The following SGCG variants were observed in gnomAD, a reference collection of about 807,000 sequenced individuals.
SGCG encodes the protein sarcoglycan gamma.
Under a neutral mutation model 29.3 loss-of-function variants are expected in SGCG, and 26 were observed. The ratio of observed to expected loss-of-function variants is 0.89; its 90% CI spans 0.65 to 1.23. The LOEUF (loss-of-function observed/expected upper bound fraction) is 1.23. Among genes scored for constraint, SGCG ranks in the 50% most tolerant of loss-of-function variants. The pLI is 0.00. For synonymous variants in SGCG, 145 were observed against 129.7 expected (o/e 1.12, Z -0.80); for missense variants, 353 against 356.0 (o/e 0.99, Z 0.07).
At chr13:23,309,059 G>T (rs1456426156) in intron 6 of SGCG, among the ~76,000 whole-genome samples, 1 of 151,876 alleles carries the variant, frequency 6.6e-6, no homozygotes, top group African/African-American at 2.4e-5. Flanking sequence ...TTTAGGTTTG[G>T]CCCATAATTA....
chr13:23,292,351 C>A (rs865937592), intron 5 of SGCG, among the ~76,000 whole-genome samples: 2 of 152,200 alleles, frequency 1.3e-5, no homozygotes, highest in African/African-American at 4.8e-5. Context: ...CTCAAGTGAT[C>A]TGCCTGCCTT....
upstream of SGCG, among the ~76,000 whole-genome samples, chr13:23,178,749 AT>A (rs1228012642): frequency 2.6e-5 from 4 of 152,098 alleles, no homozygotes; most frequent in Non-Finnish European, 5.9e-5. Flanking sequence ...AATAGAAATG[AT>A]TTCTCCAAAA....
the SGCG span, among the ~76,000 whole-genome samples, chr13:23,167,652 A>G: frequency 3.3e-5 from 5 of 151,974 alleles, no homozygotes; most frequent in South Asian, 2.1e-4. Flanking sequence ...CTGATGATCA[A>G]TGATGTTAAG....
At chr13:23,290,486 A>T (rs986541091) in intron 5 of SGCG, among the ~76,000 whole-genome samples, 7 of 152,158 alleles carry the variant, frequency 4.6e-5, no homozygotes, top group Non-Finnish European at 8.8e-5. Context: ...CCCAGGAGAG[A>T]TGACAGAAAT....
intron 6 of SGCG, among the ~76,000 whole-genome samples, chr13:23,316,228 G>A (rs925199636): frequency 6.6e-6 from 1 of 152,178 alleles, no homozygotes; most frequent in Non-Finnish European, 1.5e-5. Context: ...TCATGGGAAG[G>A]GCAGAGGTTT....
chr13:23,254,243 C>T (rs1254886716), intron 4 of SGCG, among the ~76,000 whole-genome samples: 1 of 152,084 alleles, frequency 6.6e-6, no homozygotes, highest in Admixed American at 6.6e-5. Flanking sequence ...GACCAAAATG[C>T]TGTTAGAAAT....
intron 4 of SGCG, among the ~76,000 whole-genome samples, chr13:23,263,809 G>A (rs2137590713): frequency 6.6e-6 from 1 of 151,986 alleles, no homozygotes; most frequent in African/African-American, 2.4e-5. Flanking sequence ...CACCTAAACA[G>A]AATTAAAAAC....
intron 2 of SGCG, among the ~76,000 whole-genome samples, chr13:23,208,547 C>T (rs1354097784): frequency 1.3e-5 from 2 of 152,138 alleles, no homozygotes; most frequent in Admixed American, 1.3e-4. Flanking sequence ...TAAGGCTGAG[C>T]CTGGTTTTAT....
rs185385758 is a variant in SGCG, at chr13:23,275,154, C to T, written c.386-4205C>T. Among the ~76,000 whole-genome samples the T allele has an allele frequency of 1.2e-3, 127 of 103,058 alleles. 3 individuals carry two copies. In the East Asian group the frequency reaches 0.027, roughly 22 times the overall value. 67.6% of individuals were successfully genotyped at this position (103,058 alleles called of 152,430 possible). On this transcript the variant is annotated intron_variant, in intron 4 of 7. Transcript: ENST00000218867. ...ATATATATATATATAGAAATGAGGA[C>T]GTTGTTTAACCTTTACAATGATTGA... is the stretch of plus-strand genomic sequence containing the variant.
At chr13:23,251,025 C>A (rs1879944282) in intron 4 of SGCG, among the ~76,000 whole-genome samples, 1 of 152,114 alleles carries the variant, frequency 6.6e-6, no homozygotes, top group Admixed American at 6.6e-5. Flanking sequence ...GGGAAGGAAC[C>A]CAAGTAGCTG....
intron 5 of SGCG, among the ~76,000 whole-genome samples, chr13:23,283,525 G>A (rs185701565): frequency 1.3e-5 from 2 of 152,254 alleles, no homozygotes; most frequent in Non-Finnish European, 2.9e-5. Context: ...TACATGAGAT[G>A]TGTCTCCTGA....
chr13:23,268,877 C>T (rs1426092201), intron 4 of SGCG: 2 of 143,654 alleles, frequency 1.4e-5, no homozygotes, highest in Non-Finnish European at 1.5e-5. Context: ...AAGTTACTGT[C>T]AGTTGAGGAT....
intron 2 of SGCG, among the ~76,000 whole-genome samples, chr13:23,213,607 T>C (rs1297953548): frequency 2.0e-5 from 3 of 152,232 alleles, no homozygotes; most frequent in Non-Finnish European, 2.9e-5. Context: ...TAAAATGCTT[T>C]CTGGGAGCGT....
In SGCG at chr13:23,250,693, G is replaced by C; in HGVS notation, c.361G>C (p.Glu121Gln). 6.2e-7 allele frequency: 1 copy of C among 1,611,844 alleles called. No homozygotes were observed. Among genetic ancestry groups the C allele is most frequent in the South Asian group, 1.1e-5 (1 of 90,962 alleles). The change falls in exon 4 of 8, where the codon GAG becomes CAG. Residue 121 changes from glutamate (E) to glutamine (Q), a missense_variant. Transcript: ENST00000218867. ...VTVNARNSEG[E>Q]VTGRLKVGPK... Reference sequence around the variant, plus strand: ...TGTAAATGCGCGCAACTCAGAAGGGGAGGTCACAGGCAGGTTAAAAGTCGG... The same window carrying C: ...TGTAAATGCGCGCAACTCAGAAGGGCAGGTCACAGGCAGGTTAAAAGTCGG...
chr13:23,248,781 A>C (rs1879836209), intron 3 of SGCG, among the ~76,000 whole-genome samples: 1 of 151,948 alleles, frequency 6.6e-6, no homozygotes, highest in East Asian at 1.9e-4. Flanking sequence ...TCACGAGGTC[A>C]GGAAATCGAG....
the SGCG span, among the ~76,000 whole-genome samples, chr13:23,173,887 TACTC>T: frequency 1.3e-5 from 2 of 152,210 alleles, no homozygotes; most frequent in African/African-American, 4.8e-5. Context: ...TAATATATCT[TACTC>T]AGTGTAAACT....
chr13:23,171,473 C>T, the SGCG span, among the ~76,000 whole-genome samples: 16 of 152,230 alleles, frequency 1.1e-4, 1 homozygote, highest in East Asian at 5.8e-4. Flanking sequence ...TTGAAATTAA[C>T]GCCATGTAAT....
intron 5 of SGCG, among the ~76,000 whole-genome samples, chr13:23,287,712 G>GT (rs1356668818): frequency 6.6e-6 from 1 of 151,824 alleles, no homozygotes; most frequent in Non-Finnish European, 1.5e-5. Context: ...TAATTTCACA[G>GT]TTTTTTGTTA....
chr13:23,166,875 G>A, the SGCG span, among the ~76,000 whole-genome samples: 5 of 152,120 alleles, frequency 3.3e-5, no homozygotes, highest in Non-Finnish European at 5.9e-5. Context: ...AGAGAATGGG[G>A]TATCCATCCC....
Sources: allele counts gnomAD v4.1 joint callset (sites outside exome capture counted in the v4.1 genomes callset), GRCh38; gene constraint gnomAD v4.1.1; transcripts MANE v1.5; gene names NCBI Gene and HGNC (gene_info 2026-07-23, HGNC 2026-07-21).